The following MET variants were observed in gnomAD, a reference collection of about 807,000 sequenced individuals.
MET encodes the protein hepatocyte growth factor receptor.
Under a neutral mutation model 133.1 loss-of-function variants are expected in MET, and 48 were observed. The observed-to-expected ratio is 0.36, with a 90% CI of 0.29 to 0.46. The LOEUF (loss-of-function observed/expected upper bound fraction) is 0.46, where lower values mean the gene tolerates loss of function less well. Ranked by LOEUF, MET falls within the 20% of genes least tolerant of loss-of-function variation. The probability of loss-of-function intolerance (pLI) is 1.00; values close to 1 mark genes in which losing one functional copy is unlikely to be tolerated. For synonymous variants in MET, 628 were observed against 616.5 expected, an observed-to-expected ratio of 1.02 and a Z score of -0.28; for missense variants, 1,442 against 1,695.9, an observed-to-expected ratio of 0.85 and a Z score of 2.63.
intron 11 of MET, among the ~76,000 whole-genome samples, chr7:116,766,976 G>A (rs112093839): frequency 3.9e-5 from 6 of 152,112 alleles, no homozygotes; most frequent in African/African-American, 1.2e-4. Context: ...TCGTTGCTTG[G>A]TTCCTAAGTT....
chr7:116,754,916 AAAGAAAGAAAGAAAGAAAGAAAG>A (rs1794079720), intron 5 of MET, among the ~76,000 whole-genome samples: 1 of 145,618 alleles, frequency 6.9e-6, no homozygotes, highest in Admixed American at 7.0e-5. Context: ...AGAAAGAAAG[AAAGAAAGAAAGAAAGAAAGAAAG>A]AAAGAAAGAA....
Position 116,699,405 on chromosome 7 carries a change from A to G in MET, c.321A>G (p.Leu107=), listed in dbSNP as rs1040920548. The G allele has an allele frequency of 3.7e-6, 6 of 1,614,086 alleles. No individual in the cohort carries two copies. The highest frequency in any genetic ancestry group is 5.1e-6 in the Non-Finnish European group (6 of 1,179,960). The change falls in exon 2 of 21, where the codon TTA becomes TTG. Residue 107 remains leucine (L), a synonymous_variant. Coordinates refer to ENST00000397752, the MANE Select transcript of MET (RefSeq NM_000245.4). ...AGGACTGCAGCAGCAAAGCCAATTT[A>G]TCAGGAGGTGTTTGGAAAGATAACA... ...PCQDCSSKAN[L]SGGVWKDNIN... is the part of the protein sequence containing the mutation.
chr7:116,753,685 C>A (rs1479570605), intron 5 of MET, among the ~76,000 whole-genome samples: 1 of 152,052 alleles, frequency 6.6e-6, no homozygotes, highest in Non-Finnish European at 1.5e-5. Context: ...TGATTTTGGG[C>A]CCTCTCTGGT....
chr7:116,756,519 C>G (rs376058256), intron 6 of MET, among the ~76,000 whole-genome samples: 1 of 152,168 alleles, frequency 6.6e-6, no homozygotes, highest in South Asian at 2.1e-4. Flanking sequence ...CTCCAAAACT[C>G]TTAATCATTG....
chr7:116,731,656 A>C lies in MET; in HGVS notation c.1201-12A>C, dbSNP rs2116778819. On this transcript the variant is annotated splice_polypyrimidine_tract_variant and intron_variant, in intron 2 of 20. Coordinates refer to ENST00000397752, the MANE Select transcript of MET (RefSeq NM_000245.4). ...GGATTCACATTAACTCTATGACCAT[A>C]TTTTATTCCAGACACTTCTGAGAAA... The C allele has an allele frequency of 6.2e-7, 1 of 1,613,958 alleles. No individual in the cohort carries two copies. The highest frequency in any genetic ancestry group is 8.5e-7 in the Non-Finnish European group (1 of 1,179,880).
intron 3 of MET, among the ~76,000 whole-genome samples, chr7:116,737,582 A>T (rs901261281): frequency 3.9e-5 from 6 of 151,910 alleles, no homozygotes; most frequent in Non-Finnish European, 7.4e-5. Context: ...TCTATGTTGT[A>T]TTTTTTTTAA....
At chr7:116,776,627 C>A (rs1369664635) in intron 15 of MET, among the ~76,000 whole-genome samples, 6 of 152,172 alleles carry the variant, frequency 3.9e-5, no homozygotes, top group Non-Finnish European at 8.8e-5. Context: ...TAGAGGGCAG[C>A]CTAATGCCTG....
chr7:116,749,637 G>C lies in MET; in HGVS notation c.1702-5718G>C, dbSNP rs183738503. ...AATCAGGCAGGGGAAACAAATAAAG[G>C]GTATTCAGATAGGAAGAGAGGAAGT... On this transcript the variant is annotated intron_variant, in intron 5 of 20. Coordinates refer to ENST00000397752, the MANE Select transcript of MET (RefSeq NM_000245.4). Among the ~76,000 whole-genome samples the C allele has an allele frequency of 1.3e-3, 193 of 152,204 alleles. 1 individual carries two copies. Among genetic ancestry groups the C allele is most frequent in the Non-Finnish European group, 1.8e-3 (123 of 68,012 alleles).
chr7:116,775,020 T>C lies in MET; in HGVS notation c.3168T>C (p.Ser1056=), dbSNP rs376069508. Residue 1056 remains serine (S), a synonymous_variant, in exon 15 of 21, where the codon AGT becomes AGC. Coordinates refer to ENST00000397752, the MANE Select transcript of MET (RefSeq NM_000245.4). ...LLQNTVHIDL[S]ALNPELVQAV... ...AAAATACTGTCCACATTGACCTCAG[T>C]GCTCTAAATCCAGAGCTGGTCCAGG... The C allele has an allele frequency of 1.1e-4, 170 of 1,614,116 alleles. No individual in the cohort carries two copies. The highest frequency in any genetic ancestry group is 1.4e-4 in the Non-Finnish European group (163 of 1,180,034).
At chr7:116,687,360 G>T (rs975410522) in intron 1 of MET, among the ~76,000 whole-genome samples, 2 of 152,180 alleles carry the variant, frequency 1.3e-5, no homozygotes, top group Non-Finnish European at 2.9e-5. Context: ...AGTTTTATGA[G>T]AATCTATTTG....
intron 2 of MET, among the ~76,000 whole-genome samples, chr7:116,726,056 A>C (rs1242079368): frequency 7.0e-6 from 1 of 143,056 alleles, no homozygotes; most frequent in Non-Finnish European, 1.5e-5. Flanking sequence ...AAACTAAAAC[A>C]ATAAGATAGA....
rs142156056 is a variant in MET, at chr7:116,739,105, C to T, written c.1393-845C>T. Among the ~76,000 whole-genome samples, 29 of 152,256 alleles carry T rather than the reference C, an allele frequency of 1.9e-4. No homozygotes were observed. In the East Asian group the frequency reaches 5.4e-3, roughly 28 times the overall value. On this transcript the variant is annotated intron_variant, in intron 3 of 20. Coordinates refer to ENST00000397752, the MANE Select transcript of MET (RefSeq NM_000245.4). ...AAGAGTGAAAGTTTCTCTGAGAACT[C>T]CAACACCCTCCTAAAAATCTAAGTG...
intron 2 of MET, among the ~76,000 whole-genome samples, chr7:116,707,473 A>G (rs1791844972): frequency 6.6e-6 from 1 of 152,172 alleles, no homozygotes; most frequent in Admixed American, 6.5e-5. Flanking sequence ...TCGAAGGCTG[A>G]TTTTATAAAA....
rs771328219 is a variant in MET, at chr7:116,774,970, T to C, written c.3118T>C (p.Ser1040Pro). ...GTCCCCCATCCTAACTAGTGGGGAC[T>C]CTGATATATCCAGTCCATTACTGCA... ...DMSPILTSGD[S>P]DISSPLLQNT... Residue 1040 changes from serine to proline, a missense_variant, in exon 15 of 21, where the codon TCT becomes CCT. Coordinates refer to ENST00000397752, the MANE Select transcript of MET (RefSeq NM_000245.4). The C allele has an allele frequency of 5.6e-5, 91 of 1,614,046 alleles. No homozygotes were observed. Among genetic ancestry groups the C allele is most frequent in the Non-Finnish European group, 6.7e-5 (79 of 1,179,998 alleles).
rs562564732 is a variant in MET, at chr7:116,731,854, A to G, written c.1387A>G (p.Met463Val). 2 of 1,613,994 alleles carry G rather than the reference A, an allele frequency of 1.2e-6. No individual in the cohort carries two copies. Among genetic ancestry groups the G allele is most frequent in the South Asian group, 1.1e-5 (1 of 91,078 alleles). Reference sequence around the variant, plus strand: ...TCTTGGGACATCAGAGGGTCGCTTCATGCAGGTAAGTGCTTTCTGAGAGTA... The same window carrying G: ...TCTTGGGACATCAGAGGGTCGCTTCGTGCAGGTAAGTGCTTTCTGAGAGTA... ...ANLGTSEGRF[M>V]QVVVSRSGPS... The change falls in exon 3 of 21, where the codon ATG (methionine) becomes GTG (valine). Residue 463 changes from methionine to valine, a missense_variant. Transcript: ENST00000397752.
At chr7:116,733,547 A>G (rs986758299) in intron 3 of MET, among the ~76,000 whole-genome samples, 11 of 152,308 alleles carry the variant, frequency 7.2e-5, no homozygotes, top group South Asian at 4.1e-4. Context: ...GACAGAGTCA[A>G]TCGCCTGAGG....
intron 19 of MET, among the ~76,000 whole-genome samples, chr7:116,784,257 C>G (rs1225012831): frequency 1.3e-5 from 2 of 152,214 alleles, no homozygotes; most frequent in African/African-American, 4.8e-5. Context: ...TATACTAGGT[C>G]ATAGAGTTCC....
intron 1 of MET, among the ~76,000 whole-genome samples, chr7:116,692,975 A>G (rs973531011): frequency 6.6e-6 from 1 of 152,232 alleles, no homozygotes; most frequent in African/African-American, 2.4e-5. Context: ...GACAGTCTAT[A>G]TTGAAAGCCT....
At chr7:116,775,935 T>A (rs891521372) in intron 15 of MET, among the ~76,000 whole-genome samples, 1 of 152,106 alleles carries the variant, frequency 6.6e-6, no homozygotes, top group Non-Finnish European at 1.5e-5. Flanking sequence ...AATTTCTTTA[T>A]ACAAAGATAA....
Sources: allele counts gnomAD v4.1 joint callset (sites outside exome capture counted in the v4.1 genomes callset), GRCh38; gene constraint gnomAD v4.1.1; transcripts MANE v1.5; gene names NCBI Gene and HGNC (gene_info 2026-07-23, HGNC 2026-07-21).